The following MAPK4 variants were observed in gnomAD, a reference collection of about 807,000 sequenced individuals.
MAPK4 encodes mitogen-activated protein kinase 4.
In MAPK4, 22 loss-of-function variants were observed where a neutral mutation model predicts 47.7. That is an observed-to-expected ratio of 0.46 (90% CI 0.33 to 0.66). MAPK4 has a LOEUF of 0.66. MAPK4 is among the 30% of genes least tolerant of loss of function. MAPK4 has a pLI of 0.02. For missense variants in MAPK4, 736 were observed against 831.7 expected (o/e 0.88, Z 1.42); for synonymous variants, 390 against 365.7 (o/e 1.07, Z -0.76).
At chr18:50,584,349 T>G (rs1376523740) in intron 1 of MAPK4, among the ~76,000 whole-genome samples, 1 of 152,148 alleles carries the variant, frequency 6.6e-6, no homozygotes, top group Non-Finnish European at 1.5e-5. Context: ...ATCCACTTCG[T>G]GTACCCCTGG....
intron 1 of MAPK4, among the ~76,000 whole-genome samples, chr18:50,587,573 T>A (rs143527075): frequency 2.5e-3 from 385 of 152,224 alleles, no homozygotes; most frequent in Non-Finnish European, 4.6e-3. Flanking sequence ...TTTTCTGACA[T>A]CCCAGTAGGG....
chr18:50,609,797 T>A (rs1057036816), intron 1 of MAPK4, among the ~76,000 whole-genome samples: 1 of 152,090 alleles, frequency 6.6e-6, no homozygotes, highest in African/African-American at 2.4e-5. Flanking sequence ...GCCCACTTGT[T>A]TGCTATGCTG....
Position 50,664,402 on chromosome 18 carries a change from G to A in MAPK4, c.444G>A (p.Arg148=), listed in dbSNP as rs1907480673. The A allele has an allele frequency of 6.2e-7, 1 of 1,614,114 alleles. No homozygotes were observed. The highest frequency in any genetic ancestry group is 1.3e-5 in the African/African-American group (1 of 75,050). The change falls in exon 2 of 6, where the codon AGG becomes AGA. Residue 148 remains arginine (R), a synonymous_variant. Transcript: ENST00000400384. This position sits in a 1 kb window ranked among gnomAD's most constrained non-coding sequence, Gnocchi z 6.0. ...TCCACTCCGCCAACGTGCTGCACAGGGACCTGAAGCCCGCCAACATCTTCA... is the reference window on the plus strand; with the variant it reads ...TCCACTCCGCCAACGTGCTGCACAGAGACCTGAAGCCCGCCAACATCTTCA... ...KYIHSANVLH[R]DLKPANIFIS...
intron 1 of MAPK4, among the ~76,000 whole-genome samples, chr18:50,623,573 G>A (rs1419579249): frequency 2.0e-5 from 3 of 152,154 alleles, no homozygotes; most frequent in East Asian, 1.9e-4. Context: ...TGACACTGAA[G>A]TCTAAGCCAC....
intron 2 of MAPK4, chr18:50,705,053 C>T (rs933944600): frequency 7.3e-5 from 24 of 330,338 alleles, no homozygotes; most frequent in African/African-American, 1.7e-4. Flanking sequence ...GGCTTCCACA[C>T]GGTAGCATGA....
intron 2 of MAPK4, among the ~76,000 whole-genome samples, chr18:50,668,006 A>G (rs1238113305): frequency 6.6e-6 from 1 of 152,190 alleles, no homozygotes; most frequent in Non-Finnish European, 1.5e-5. Context: ...TGGGGTTCCC[A>G]TGGTCCCCTC....
chr18:50,717,267 C>T (rs559949420), intron 3 of MAPK4, among the ~76,000 whole-genome samples: 12 of 152,252 alleles, frequency 7.9e-5, no homozygotes, highest in Admixed American at 5.9e-4. Flanking sequence ...GAGTGGCAGA[C>T]GCTGGGGAGC....
chr18:50,622,803 T>G (rs79667951), intron 1 of MAPK4, among the ~76,000 whole-genome samples: 2,869 of 152,348 alleles, frequency 0.019, 86 homozygotes, highest in African/African-American at 0.063. Context: ...CACCACAAAC[T>G]GCTAAATGTA....
intron 2 of MAPK4, among the ~76,000 whole-genome samples, chr18:50,693,120 A>G (rs919326489): frequency 1.3e-5 from 2 of 152,082 alleles, no homozygotes; most frequent in African/African-American, 2.4e-5. Context: ...GTAGCCTGGC[A>G]TGGTGGCGCA....
intron 2 of MAPK4, among the ~76,000 whole-genome samples, chr18:50,691,871 G>A (rs1049705876): frequency 2.0e-5 from 3 of 152,036 alleles, no homozygotes; most frequent in Non-Finnish European, 4.4e-5. Flanking sequence ...GTCTTTTCTT[G>A]TAATCTCCCA....
chr18:50,661,509 T>C (rs1054687644), intron 1 of MAPK4, among the ~76,000 whole-genome samples: 3 of 152,226 alleles, frequency 2.0e-5, no homozygotes, highest in Non-Finnish European at 4.4e-5. Flanking sequence ...CTTGGTATCC[T>C]CACCTGTAAA....
intron 2 of MAPK4, among the ~76,000 whole-genome samples, chr18:50,701,709 G>A (rs749410486): frequency 3.8e-4 from 58 of 152,096 alleles, no homozygotes; most frequent in East Asian, 5.8e-4. Flanking sequence ...AATGAGTGTC[G>A]TTAATTCAAA....
chr18:50,639,085 G>A (rs7226776), intron 1 of MAPK4, among the ~76,000 whole-genome samples: 148,790 of 152,248 alleles, frequency 0.98, 72,714 homozygotes, highest in Middle Eastern at 1. Flanking sequence ...GTCAAGAGGG[G>A]GCGCCCTGGT....
At chr18:50,614,668 A>C (rs73432333) in intron 1 of MAPK4, among the ~76,000 whole-genome samples, 2,485 of 152,324 alleles carry the variant, frequency 0.016, 55 homozygotes, top group African/African-American at 0.056. Flanking sequence ...TCAGTTTCAC[A>C]TGTCACACGT....
intron 2 of MAPK4, chr18:50,704,490 A>G: frequency 2.5e-6 from 1 of 398,522 alleles, no homozygotes; most frequent in Non-Finnish European, 4.4e-6. Context: ...CCAAAAAAAA[A>G]GCAAGACAAT....
At chr18:50,692,141 G>C (rs1054362784) in intron 2 of MAPK4, among the ~76,000 whole-genome samples, 8 of 152,216 alleles carry the variant, frequency 5.3e-5, no homozygotes, top group African/African-American at 1.9e-4. Context: ...AGATTCTTCA[G>C]GCATCAGCTA....
chr18:50,675,429 G>T (rs1342081935), intron 2 of MAPK4, among the ~76,000 whole-genome samples: 4 of 150,924 alleles, frequency 2.7e-5, no homozygotes, highest in Non-Finnish European at 2.9e-5. Context: ...CGATTCTCCT[G>T]CCTCAGCCTC....
At chr18:50,573,768 T>A (rs9962245) in intron 1 of MAPK4, among the ~76,000 whole-genome samples, 40,036 of 152,150 alleles carry the variant, frequency 0.26, 5,316 homozygotes, top group South Asian at 0.32. Flanking sequence ...CCAAAATCTA[T>A]AGGAACATAT....
chr18:50,607,436 T>C (rs2042591835), intron 1 of MAPK4, among the ~76,000 whole-genome samples: 1 of 152,210 alleles, frequency 6.6e-6, no homozygotes, highest in Non-Finnish European at 1.5e-5. Flanking sequence ...GGATTTTTTC[T>C]TTTATCTCTT....
Sources: gnomAD v4.1 joint callset for allele counts (sites outside exome capture counted in the v4.1 genomes callset) on GRCh38, gnomAD v4.1.1 for gene constraint, Gnocchi (gnomAD v3.1) non-coding constraint, MANE v1.5 for transcripts, NCBI Gene and HGNC (gene_info 2026-07-23, HGNC 2026-07-21) for gene names.